TLR10: variants seen among roughly 807,000 people sequenced by gnomAD.
TLR10 encodes the protein toll like receptor 10.
For missense variants in TLR10, 929 were observed against 932.9 expected, an observed-to-expected ratio of 1.00 and a Z score of 0.05; for synonymous variants, 288 against 338.8, an observed-to-expected ratio of 0.85 and a Z score of 1.65.
chr4:38,774,921 C>G lies in TLR10; in HGVS notation c.670G>C (p.Gly224Arg), dbSNP rs757271887. 1 of 1,611,132 alleles carries G rather than the reference C, an allele frequency of 6.2e-7. No homozygotes were observed. The highest frequency in any genetic ancestry group is 2.2e-5 in the East Asian group (1 of 44,856). The change falls in exon 4 of 4, where the codon GGC becomes CGC. Residue 224 changes from glycine (G) to arginine (R), a missense_variant. Gly to Arg is a moderately radical substitution (Grantham distance 125). Coordinates refer to ENST00000308973, the MANE Select transcript of TLR10 (RefSeq NM_030956.4). ...TCATAACTTACAAATTGGCTTTTGC[C>G]ATCTATATTTGTCATTTCTAATATT... ...SKILEMTNID[G>R]KSQFVSYEMQ...
At position 38,774,869 on chromosome 4, in the gene TLR10, TTTTCTAAA is replaced by T; in HGVS notation, c.714_721del (p.Ser238ArgfsTer3). The T allele has an allele frequency of 6.2e-7, 1 of 1,606,190 alleles. No homozygotes were observed. Among genetic ancestry groups the T allele is most frequent in the South Asian group, 1.1e-5 (1 of 89,624 alleles). The stretch of plus-strand genomic sequence containing the variant: ...AAGCAATAGAACCGATGTCTTAGCA[TTTTCTAAA>T]CTAAGATTTCGTTGCATTTCATAAC... On this transcript the variant is annotated frameshift_variant, in exon 4 of 4. Transcript: ENST00000308973. LOFTEE classifies it low-confidence loss of function (END_TRUNC).
At position 38,774,479 on chromosome 4, in the gene TLR10, A is replaced by T. The variant is rs761265878; in HGVS notation, c.1112T>A (p.Leu371Gln). ...CAAAATGAGAGTTTTCAAGTGAGGC[A>T]GTTGGATAGTTCTTTTAAACAACTC... is the stretch of plus-strand genomic sequence containing the variant. The part of the protein sequence containing the change: ...TDELFKRTIQ[L>Q]PHLKTLILNG... Residue 371 changes from leucine to glutamine, a missense_variant, in exon 4 of 4, where the codon CTG becomes CAG. Physicochemically the swap from Leu to Gln is moderately radical, Grantham distance 113. Coordinates refer to ENST00000308973, the MANE Select transcript of TLR10 (RefSeq NM_030956.4). The T allele has an allele frequency of 6.2e-7, 1 of 1,600,110 alleles. No individual in the cohort carries two copies. Among genetic ancestry groups the T allele is most frequent in the Non-Finnish European group, 8.5e-7 (1 of 1,175,942 alleles).
At chr4:38,777,981 T>C (rs558659117) in intron 1 of TLR10, among the ~76,000 whole-genome samples, 17 of 152,322 alleles carry the variant, frequency 1.1e-4, no homozygotes, top group Non-Finnish European at 4.4e-5. Flanking sequence ...ATCATTCTAC[T>C]ATAAAGATAC....
In TLR10 at chr4:38,775,027, T is replaced by G; in HGVS notation, c.564A>C (p.Leu188Phe). The G allele has an allele frequency of 6.2e-7, 1 of 1,612,732 alleles. No homozygotes were observed. The highest frequency in any genetic ancestry group is 8.5e-7 in the Non-Finnish European group (1 of 1,179,566). Reference sequence around the variant, plus strand: ...AAACAATGTGCAGTTTTGTTGTGTTTAAGATGGGCAGGCTACCTTCTTCAT... The same window carrying G: ...AAACAATGTGCAGTTTTGTTGTGTTGAAGATGGGCAGGCTACCTTCTTCAT... ...PHYEEGSLPILNTTKLHIVLP... is the reference protein window; with the variant it reads ...PHYEEGSLPIFNTTKLHIVLP... The change falls in exon 4 of 4, where the codon TTA (leucine) becomes TTC (phenylalanine). Residue 188 changes from leucine to phenylalanine, a missense_variant. Coordinates refer to ENST00000308973, the MANE Select transcript of TLR10 (RefSeq NM_030956.4).
rs62617795 is a variant in TLR10, at chr4:38,774,483, G to A, written c.1108C>T (p.Gln370Ter). Residue 370 changes from glutamine to a stop codon, truncating the protein, a stop_gained, in exon 4 of 4, where the codon CAA (glutamine) becomes TAA (stop). Coordinates refer to ENST00000308973, the MANE Select transcript of TLR10 (RefSeq NM_030956.4). LOFTEE classifies it low-confidence loss of function (END_TRUNC). ...LTDELFKRTI[Q>*]LPHLKTLILN... The stretch of plus-strand genomic sequence containing the variant: ...ATGAGAGTTTTCAAGTGAGGCAGTT[G>A]GATAGTTCTTTTAAACAACTCGTCT... 1.1e-3 allele frequency: 1,797 copies of A among 1,598,288 alleles called. 25 individuals are homozygous for A. The African/African-American group carries it at 0.022, about 19-fold the overall frequency.
In TLR10 at chr4:38,774,031, TC is replaced by T; in HGVS notation, c.1559del (p.Gly520GlufsTer11). On this transcript the variant is annotated frameshift_variant, in exon 4 of 4. Coordinates refer to ENST00000308973, the MANE Select transcript of TLR10 (RefSeq NM_030956.4). LOFTEE classifies it low-confidence loss of function (END_TRUNC). ...CACAGGTACACCGGAATGGATTTCT[TC>T]CCGCATTTAGAGTTTTAACTTCCTG... ...SCQEVKTLNAGRNPFRCTCEL... is the reference protein window; with the variant it reads ...SCQEVKTLNAXRNPFRCTCEL... 1 of 1,608,916 alleles carries T rather than the reference TC, an allele frequency of 6.2e-7. No homozygotes were observed. The highest frequency in any genetic ancestry group is 1.1e-5 in the South Asian group (1 of 90,390).
Position 38,775,805 on chromosome 4 carries a change from A to G in TLR10, c.-93T>C. 2 of 417,732 alleles carry G rather than the reference A, an allele frequency of 4.8e-6. No homozygotes were observed. Among genetic ancestry groups the G allele is most frequent in the Non-Finnish European group, 8.3e-6 (2 of 240,400 alleles). The allele number at this position is 417,732 out of a possible 1,614,324, so 25.9% of individuals were successfully genotyped here. ...TATTGGGTCTTCGACTTGATCTCAG[A>G]GCATTGGCTGAGAAGTCTCCAAGCT... On this transcript the variant is annotated 5_prime_UTR_variant, in exon 3 of 4. Transcript: ENST00000308973.
chr4:38,781,052 C>G (rs560443104), intron 1 of TLR10, among the ~76,000 whole-genome samples: 1 of 152,292 alleles, frequency 6.6e-6, no homozygotes, highest in South Asian at 2.1e-4. Context: ...TTCCCCCTGC[C>G]CAATACCACA....
At chr4:38,777,272 G>GT (rs1256815830) in intron 1 of TLR10, among the ~76,000 whole-genome samples, 7 of 152,162 alleles carry the variant, frequency 4.6e-5, no homozygotes, top group African/African-American at 1.7e-4. Context: ...CAAGACACTT[G>GT]TTGTCTGGGG....
At chr4:38,779,414 A>G (rs1190056276) in intron 1 of TLR10, among the ~76,000 whole-genome samples, 1 of 152,190 alleles carries the variant, frequency 6.6e-6, no homozygotes. Context: ...CTTTGCTGAC[A>G]TTTCAGTGAC....
chr4:38,776,889 G>T (rs917504235), intron 1 of TLR10, among the ~76,000 whole-genome samples: 2 of 152,150 alleles, frequency 1.3e-5, no homozygotes, highest in Admixed American at 1.3e-4. Context: ...GGTGGAAGGC[G>T]AATGAGGAGC....
chr4:38,773,590 A>G lies in TLR10; in HGVS notation c.2001T>C (p.Leu667=), dbSNP rs568153713. The G allele has an allele frequency of 2.4e-5, 39 of 1,601,894 alleles. 1 individual carries two copies. In the South Asian group the frequency reaches 4.4e-4, roughly 18 times the overall value. ...TGCCAGGGTCAAAGTAGCTTTCATA[A>G]AGGCAAATCAAGATAGAACCATCTT... ...EKEDGSILIC[L]YESYFDPGKS... The change falls in exon 4 of 4, where the codon CTT becomes CTC. Residue 667 remains leucine (L), a synonymous_variant. Transcript: ENST00000308973.
Position 38,774,004 on chromosome 4 carries a change from T to C in TLR10, c.1587A>G (p.Glu529=), listed in dbSNP as rs753021298. Residue 529 remains glutamate, a synonymous_variant, in exon 4 of 4, where the codon GAA becomes GAG. Coordinates refer to ENST00000308973, the MANE Select transcript of TLR10 (RefSeq NM_030956.4). ...AGRNPFRCTC[E]LKNFIQLETY... ...TTTCAAGCTGAATGAAATTTTTTAA[T>C]TCACAGGTACACCGGAATGGATTTC... 42 of 1,595,944 alleles carry C rather than the reference T, an allele frequency of 2.6e-5. No homozygotes were observed. Among genetic ancestry groups the C allele is most frequent in the Non-Finnish European group, 3.2e-5 (38 of 1,170,896 alleles).
chr4:38,778,300 G>T (rs1454344749), intron 1 of TLR10, among the ~76,000 whole-genome samples: 1 of 152,144 alleles, frequency 6.6e-6, no homozygotes, highest in Non-Finnish European at 1.5e-5. Flanking sequence ...GGGGCTAGGG[G>T]AGGAATAGCA....
Position 38,773,594 on chromosome 4 carries a change from C to A in TLR10, c.1997G>T (p.Cys666Phe). The A allele has an allele frequency of 6.2e-7, 1 of 1,601,690 alleles. No individual in the cohort carries two copies. The change falls in exon 4 of 4, where the codon TGC (cysteine) becomes TTC (phenylalanine). Residue 666 changes from cysteine to phenylalanine, a missense_variant. Coordinates refer to ENST00000308973, the MANE Select transcript of TLR10 (RefSeq NM_030956.4). ...LEKEDGSILICLYESYFDPGK... is the reference protein window; with the variant it reads ...LEKEDGSILIFLYESYFDPGK... ...AGGGTCAAAGTAGCTTTCATAAAGG[C>A]AAATCAAGATAGAACCATCTTCCTT...
In TLR10 at chr4:38,775,136, G is replaced by T; in HGVS notation, c.455C>A (p.Ala152Glu). The T allele has an allele frequency of 6.2e-7, 1 of 1,613,546 alleles. No homozygotes were observed. The highest frequency in any genetic ancestry group is 1.3e-5 in the African/African-American group (1 of 75,006). Reference protein sequence around the residue: ...SHLEILGLSGAKIQKSDFQKI... With the variant: ...SHLEILGLSGEKIQKSDFQKI... ...CTGGAAATCTGATTTTTGTATTTTT[G>T]CCCCACTCAAACCTAGGATTTCCAG... Residue 152 changes from alanine to glutamate, a missense_variant, in exon 4 of 4, where the codon GCA (alanine) becomes GAA (glutamate). Coordinates refer to ENST00000308973, the MANE Select transcript of TLR10 (RefSeq NM_030956.4).
chr4:38,777,380 C>T (rs758726363), intron 1 of TLR10, among the ~76,000 whole-genome samples: 6 of 151,982 alleles, frequency 3.9e-5, no homozygotes, highest in African/African-American at 9.7e-5. Context: ...AGTTAGGGGA[C>T]GGAATCAGAG....
At chr4:38,781,967 T>C (rs79030744) in intron 1 of TLR10, among the ~76,000 whole-genome samples, 8,631 of 152,262 alleles carry the variant, frequency 0.057, 734 homozygotes, top group South Asian at 0.36. Context: ...GTAAAGTAAC[T>C]TGCCCAAGAT....
chr4:38,780,167 C>A (rs1049366345), intron 1 of TLR10, among the ~76,000 whole-genome samples: 5 of 152,136 alleles, frequency 3.3e-5, no homozygotes, highest in African/African-American at 1.2e-4. Flanking sequence ...CTTTGGGAGG[C>A]TGAGGCAGGT....
Sources: allele counts gnomAD v4.1 joint callset (sites outside exome capture counted in the v4.1 genomes callset), GRCh38; gene constraint gnomAD v4.1.1; transcripts MANE v1.5; gene names NCBI Gene and HGNC (gene_info 2026-07-23, HGNC 2026-07-21).